Variants in ME1 observed in about 807,000 individuals in gnomAD.
The protein encoded by ME1 is malic enzyme 1.
ME1 carries 74 observed loss-of-function variants against 66.4 expected under a neutral mutation model. The observed-to-expected ratio is 1.11, with a 90% CI of 0.92 to 1.35. ME1 has a LOEUF of 1.35. Ranked by LOEUF, ME1 falls within the 40% of genes most tolerant of loss-of-function variation. ME1 has a pLI of 0.00. For synonymous variants in ME1, 251 were observed against 235.6 expected (o/e 1.07, Z -0.60); for missense variants, 750 against 694.1 (o/e 1.08, Z -0.90).
At chr6:83,247,658 A>G (rs1790649184) in intron 7 of ME1, among the ~76,000 whole-genome samples, 2 of 152,128 alleles carry the variant, frequency 1.3e-5, no homozygotes, top group Non-Finnish European at 2.9e-5. Flanking sequence ...TGCAGAGAGG[A>G]AAGTATTACA....
chr6:83,376,847 T>C (rs908445108), intron 3 of ME1, among the ~76,000 whole-genome samples: 1 of 130,430 alleles, frequency 7.7e-6, no homozygotes, highest in Admixed American at 8.6e-5. Context: ...TAACACATTT[T>C]GATTGAAAAA....
In ME1 at chr6:83,223,949, A is replaced by G; in HGVS notation, c.1276-16T>C. On this transcript the variant is annotated splice_polypyrimidine_tract_variant and intron_variant, in intron 11 of 13. Coordinates refer to ENST00000369705, the MANE Select transcript of ME1 (RefSeq NM_002395.6). ...TTGCACGTCCCTACAACAAAGACAC[A>G]TACAACTCACTTTAAAAAGAAGCAG... The G allele has an allele frequency of 1.9e-6, 3 of 1,607,388 alleles. No homozygotes were observed. The highest frequency in any genetic ancestry group is 2.6e-6 in the Non-Finnish European group (3 of 1,175,978).
intron 9 of ME1, among the ~76,000 whole-genome samples, chr6:83,237,257 A>AAG (rs1188277837): frequency 1.3e-4 from 14 of 104,778 alleles, no homozygotes; most frequent in African/African-American, 5.6e-4. Flanking sequence ...GAAAGAAAGA[A>AAG]AGAAAGAAAG....
At chr6:83,252,093 G>A (rs911870552) in intron 7 of ME1, among the ~76,000 whole-genome samples, 4 of 152,178 alleles carry the variant, frequency 2.6e-5, no homozygotes, top group African/African-American at 7.2e-5. Context: ...AATGCAAAAG[G>A]TTTAGTGATA....
At chr6:83,352,824 G>A (rs1768826888) in intron 3 of ME1, among the ~76,000 whole-genome samples, 1 of 152,112 alleles carries the variant, frequency 6.6e-6, no homozygotes, top group Non-Finnish European at 1.5e-5. Context: ...TTTTGCTCTA[G>A]TATTGTTAAA....
chr6:83,226,133 C>T (rs1468398026), intron 11 of ME1, among the ~76,000 whole-genome samples: 1 of 152,016 alleles, frequency 6.6e-6, no homozygotes, highest in East Asian at 1.9e-4. Context: ...TTTAGCCAAA[C>T]CAGTGTCTAA....
chr6:83,296,314 C>T (rs138260541), intron 6 of ME1, among the ~76,000 whole-genome samples: 1 of 152,236 alleles, frequency 6.6e-6, no homozygotes, highest in African/African-American at 2.4e-5. Context: ...CAAAAAGTTA[C>T]TCCACTACGA....
At chr6:83,423,026 T>C (rs1355314124) in intron 1 of ME1, among the ~76,000 whole-genome samples, 2 of 151,946 alleles carry the variant, frequency 1.3e-5, no homozygotes, top group Non-Finnish European at 2.9e-5. Flanking sequence ...CCCAAGAAGA[T>C]AAACCCCAAA....
At chr6:83,246,114 G>C (rs1006152281) in intron 7 of ME1, among the ~76,000 whole-genome samples, 4 of 152,026 alleles carry the variant, frequency 2.6e-5, no homozygotes, top group African/African-American at 9.7e-5. Context: ...ATGAGATGAT[G>C]GCAAATTCCA....
rs1192169540 is a variant in ME1, at chr6:83,211,962, C to G, written c.1681G>C (p.Glu561Gln). ...TTGGTCTGTATTTTCTGCACCTCTT[C>G]AGGCCAAGAATAACAATCAGGTAGA... The part of the protein sequence containing the change: ...QILPDCYSWP[E>Q]EVQKIQTKVD... Residue 561 changes from glutamate (E) to glutamine (Q), a missense_variant, in exon 14 of 14, where the codon GAA becomes CAA. Glu to Gln is a conservative substitution (Grantham distance 29). Transcript: ENST00000369705. 7 of 1,607,138 alleles carry G rather than the reference C, an allele frequency of 4.4e-6. No homozygotes were observed. The African/African-American group carries it at 8.0e-5, about 18-fold the overall frequency.
chr6:83,301,044 C>T (rs1295990749), intron 6 of ME1, among the ~76,000 whole-genome samples: 1 of 151,992 alleles, frequency 6.6e-6, no homozygotes, highest in Non-Finnish European at 1.5e-5. Context: ...CAGGGCCTGC[C>T]ATGGGATGGG....
At chr6:83,271,957 T>C (rs1767089226) in intron 6 of ME1, among the ~76,000 whole-genome samples, 1 of 152,204 alleles carries the variant, frequency 6.6e-6, no homozygotes, top group Non-Finnish European at 1.5e-5. Context: ...AATCACATCA[T>C]GGAAGATGAG....
chr6:83,222,961 T>G (rs1274337349), intron 12 of ME1, among the ~76,000 whole-genome samples: 1 of 152,198 alleles, frequency 6.6e-6, no homozygotes. Context: ...TATAAACAAC[T>G]AATTTCCTAT....
intron 6 of ME1, among the ~76,000 whole-genome samples, chr6:83,303,318 G>A (rs1767764112): frequency 6.6e-6 from 1 of 152,062 alleles, no homozygotes; most frequent in African/African-American, 2.4e-5. Flanking sequence ...CTTTTTTATT[G>A]TGAAAGTAAT....
intron 1 of ME1, among the ~76,000 whole-genome samples, chr6:83,423,852 T>G (rs898403468): frequency 8.5e-5 from 13 of 152,062 alleles, no homozygotes; most frequent in African/African-American, 2.7e-4. Flanking sequence ...GCCACACCTA[T>G]AATACCAGCA....
intron 13 of ME1, among the ~76,000 whole-genome samples, chr6:83,213,396 C>T (rs557666753): frequency 6.6e-6 from 1 of 152,018 alleles, no homozygotes; most frequent in South Asian, 2.1e-4. Context: ...TGTACTCTAG[C>T]CTGGGCAACA....
intron 7 of ME1, 73 bp from the exon 8 acceptor site, chr6:83,239,709 C>A (rs774994131): frequency 2.7e-5 from 28 of 1,053,616 alleles, no homozygotes; most frequent in Non-Finnish European, 3.8e-5. Context: ...TTATTCACAA[C>A]TTGAAATAAT....
rs12111030 is a variant in ME1, at chr6:83,343,562, T to A, written c.600+2611A>T. ...CAGTAGATTCATTTAGATAATCAGA[T>A]TATTTTCTAATTATCAGCTTAAAAA... is the stretch of plus-strand genomic sequence containing the variant. On this transcript the variant is annotated intron_variant, in intron 5 of 13. Coordinates refer to ENST00000369705, the MANE Select transcript of ME1 (RefSeq NM_002395.6). 4.8e-4 allele frequency among the ~76,000 whole-genome samples: 73 copies of A among 152,322 alleles called. 1 individual carries two copies. Among genetic ancestry groups the A allele is most frequent in the African/African-American group, 1.7e-3 (71 of 41,570 alleles).
intron 9 of ME1, among the ~76,000 whole-genome samples, chr6:83,229,710 T>A (rs1436403783): frequency 6.6e-6 from 1 of 152,244 alleles, no homozygotes; most frequent in East Asian, 1.9e-4. Context: ...CTTTTCAATA[T>A]AGCACAGAAT....
Sources: gnomAD v4.1 joint callset for allele counts (sites outside exome capture counted in the v4.1 genomes callset) on GRCh38, gnomAD v4.1.1 for gene constraint, MANE v1.5 for transcripts, NCBI Gene and HGNC (gene_info 2026-07-23, HGNC 2026-07-21) for gene names.